BNC2: variants seen among roughly 807,000 people sequenced by gnomAD.
BNC2 encodes basonuclin zinc finger protein 2.
Under a neutral mutation model 76.3 loss-of-function variants are expected in BNC2, and 20 were observed. That is an observed-to-expected ratio of 0.26 (90% CI 0.18 to 0.38). BNC2 has a LOEUF of 0.38. BNC2 is among the 10% of genes least tolerant of loss of function. The probability of loss-of-function intolerance (pLI) is 1.00; values close to 1 mark genes in which losing one functional copy is unlikely to be tolerated. For missense variants in BNC2, 1,382 were observed against 1,399.8 expected, an observed-to-expected ratio of 0.99 and a Z score of 0.20; for synonymous variants, 582 against 514.8, an observed-to-expected ratio of 1.13 and a Z score of -1.77.
At chr9:16,597,016 T>A (rs923879563) in intron 3 of BNC2, among the ~76,000 whole-genome samples, 1 of 152,114 alleles carries the variant, frequency 6.6e-6, no homozygotes, top group Non-Finnish European at 1.5e-5. Flanking sequence ...CTCTTCATCA[T>A]AGGAACAACA....
At position 16,769,521 on chromosome 9, in the gene BNC2, G is replaced by A. The variant is rs192049840; in HGVS notation, c.4-31036C>T. Among the ~76,000 whole-genome samples the A allele has an allele frequency of 2.1e-4, 32 of 152,268 alleles. No individual in the cohort carries two copies. In the East Asian group the frequency reaches 5.2e-3, roughly 25 times the overall value. On this transcript the variant is annotated intron_variant, in intron 1 of 6. Coordinates refer to ENST00000380672, the MANE Select transcript of BNC2 (RefSeq NM_017637.6). The stretch of plus-strand genomic sequence containing the variant: ...AATCAGGGACGGAATCATTGCACAG[G>A]CATGAGAGCCAACGGAAAGGAGAGC...
intron 6 of BNC2, among the ~76,000 whole-genome samples, chr9:16,433,562 T>C (rs1358891051): frequency 6.6e-6 from 1 of 152,156 alleles, no homozygotes; most frequent in Non-Finnish European, 1.5e-5. Context: ...AAGACTGAAA[T>C]ATTTTCCTGC....
intron 1 of BNC2, among the ~76,000 whole-genome samples, chr9:16,806,267 A>T (rs868139188): frequency 6.6e-6 from 1 of 152,160 alleles, no homozygotes; most frequent in Non-Finnish European, 1.5e-5. Flanking sequence ...CTTGAGCCCA[A>T]GGGTTCAAGA....
At chr9:16,807,070 T>C (rs1017020814) in intron 1 of BNC2, among the ~76,000 whole-genome samples, 1 of 152,240 alleles carries the variant, frequency 6.6e-6, no homozygotes, top group African/African-American at 2.4e-5. Context: ...ACTAATATCA[T>C]GATTATTATC....
chr9:16,793,644 ACAT>A (rs2135687024), intron 1 of BNC2, among the ~76,000 whole-genome samples: 2 of 125,168 alleles, frequency 1.6e-5, no homozygotes, highest in South Asian at 5.3e-4. Context: ...CTTGCCTTCC[ACAT>A]CTTTTTTTTT....
At chr9:16,746,613 C>A (rs1235885022) in intron 1 of BNC2, among the ~76,000 whole-genome samples, 3 of 151,632 alleles carry the variant, frequency 2.0e-5, no homozygotes, top group African/African-American at 7.2e-5. Context: ...GATCTGCCCT[C>A]CTCAGCCTCC....
At chr9:16,551,550 G>C (rs1197255792) in intron 5 of BNC2, among the ~76,000 whole-genome samples, 1 of 152,220 alleles carries the variant, frequency 6.6e-6, no homozygotes, top group Non-Finnish European at 1.5e-5. Flanking sequence ...TTTTGAAGGG[G>C]TCATGTCTCC....
chr9:16,590,056 C>T (rs187895839), intron 3 of BNC2, among the ~76,000 whole-genome samples: 314 of 151,756 alleles, frequency 2.1e-3, no homozygotes, highest in African/African-American at 7.2e-3. Flanking sequence ...CCCAGGAGTT[C>T]GAGACCAGCC....
intron 1 of BNC2, among the ~76,000 whole-genome samples, chr9:16,779,116 A>AG (rs1826048569): frequency 1.1e-5 from 1 of 94,674 alleles, no homozygotes; most frequent in South Asian, 4.5e-4. Context: ...AAAAATTGTA[A>AG]AAAAAAAAAA....
chr9:16,633,122 A>G (rs553605117), intron 3 of BNC2, among the ~76,000 whole-genome samples: 1 of 152,274 alleles, frequency 6.6e-6, no homozygotes, highest in South Asian at 2.1e-4. Flanking sequence ...ATCTTTTTAA[A>G]ATTATCCATA....
At chr9:16,849,255 T>C (rs953658550) in intron 1 of BNC2, among the ~76,000 whole-genome samples, 1 of 151,910 alleles carries the variant, frequency 6.6e-6, no homozygotes, top group African/African-American at 2.4e-5. Context: ...ATAAATTTTC[T>C]AGAGTCTGAC....
At chr9:16,681,657 C>T (rs1418760338) in intron 3 of BNC2, among the ~76,000 whole-genome samples, 1 of 152,120 alleles carries the variant, frequency 6.6e-6, no homozygotes, top group African/African-American at 2.4e-5. Context: ...CCCCTCCCTT[C>T]CCCCACTAAA....
chr9:16,572,638 T>C (rs1401884494), intron 4 of BNC2, among the ~76,000 whole-genome samples: 1 of 152,058 alleles, frequency 6.6e-6, no homozygotes, highest in Non-Finnish European at 1.5e-5. Context: ...GAGCACTTAA[T>C]TGCTCCGGGG....
intron 1 of BNC2, among the ~76,000 whole-genome samples, chr9:16,810,069 C>T (rs371242660): frequency 1.3e-5 from 2 of 152,106 alleles, no homozygotes; most frequent in South Asian, 4.1e-4. Context: ...TGCCTACTGA[C>T]CCATCTCAAT....
chr9:16,742,112 T>G (rs577430816), intron 1 of BNC2, among the ~76,000 whole-genome samples: 1 of 152,354 alleles, frequency 6.6e-6, no homozygotes, highest in South Asian at 2.1e-4. Context: ...ATGAAATTAC[T>G]TAGTCTTTGT....
intron 5 of BNC2, among the ~76,000 whole-genome samples, chr9:16,551,228 T>G (rs1309117671): frequency 2.0e-5 from 3 of 152,232 alleles, no homozygotes; most frequent in Non-Finnish European, 4.4e-5. Flanking sequence ...GTTGAGATTC[T>G]CACTAAATTA....
intron 3 of BNC2, among the ~76,000 whole-genome samples, chr9:16,703,486 C>T (rs987081175): frequency 9.0e-6 from 1 of 111,536 alleles, no homozygotes; most frequent in African/African-American, 2.6e-5. Flanking sequence ...TGGGTATTCT[C>T]TAGAATATAA....
chr9:16,412,605 C>T lies in BNC2; in HGVS notation c.*6384G>A, dbSNP rs1269250371. On this transcript the variant is annotated 3_prime_UTR_variant, in exon 7 of 7. Transcript: ENST00000380672. ...TAAGAAGTCATCTTGTTACTGTCCA[C>T]TTAATAGCTGGAGAGGGCATCGAGA... 6.6e-6 allele frequency: 1 copy of T among 152,586 alleles called. No homozygotes were observed. The highest frequency in any genetic ancestry group is 1.5e-5 in the Non-Finnish European group (1 of 68,054). The allele number at this position is 152,586 out of a possible 1,614,324, so 9.5% of individuals were successfully genotyped here.
chr9:16,865,702 T>C (rs1819526729), intron 1 of BNC2, among the ~76,000 whole-genome samples: 1 of 152,090 alleles, frequency 6.6e-6, no homozygotes, highest in Admixed American at 6.6e-5. Flanking sequence ...AAAACTGATA[T>C]TGTTATGTAC....
Sources: gnomAD v4.1 joint callset for allele counts (sites outside exome capture counted in the v4.1 genomes callset) on GRCh38, gnomAD v4.1.1 for gene constraint, MANE v1.5 for transcripts, NCBI Gene and HGNC (gene_info 2026-07-23, HGNC 2026-07-21) for gene names.